Variants in INTS4 observed in about 807,000 individuals in gnomAD.
INTS4 encodes the protein integrator complex subunit 4.
Under a neutral mutation model 119.5 loss-of-function variants are expected in INTS4, and 70 were observed. The observed-to-expected ratio is 0.59, with a 90% CI of 0.48 to 0.71. The LOEUF is 0.71. Among genes scored for constraint, INTS4 ranks in the 30% least tolerant of loss-of-function variants. The pLI is 0.00. For missense variants in INTS4, 867 were observed against 1,173.2 expected, an observed-to-expected ratio of 0.74 and a Z score of 3.81; for synonymous variants, 316 against 419.6, an observed-to-expected ratio of 0.75 and a Z score of 3.02.
chr11:77,897,988 T>A (rs1308913262), intron 18 of INTS4, among the ~76,000 whole-genome samples: 2 of 152,064 alleles, frequency 1.3e-5, no homozygotes, highest in Non-Finnish European at 2.9e-5. Context: ...TTTTGATTTT[T>A]ATTTTTTAGA....
chr11:77,877,292 G>C (rs1370518511), downstream of INTS4, among the ~76,000 whole-genome samples: 1 of 152,166 alleles, frequency 6.6e-6, no homozygotes, highest in Non-Finnish European at 1.5e-5. Context: ...AACACTGCCA[G>C]GTACACCCAA....
intron 15 of INTS4, among the ~76,000 whole-genome samples, chr11:77,909,302 A>G (rs1221020939): frequency 3.9e-5 from 6 of 152,368 alleles, no homozygotes; most frequent in African/African-American, 1.4e-4. Context: ...TATCTTAGTC[A>G]TGCAACTGCT....
At chr11:77,921,040 A>T (rs1953348545) in intron 14 of INTS4, among the ~76,000 whole-genome samples, 1 of 152,108 alleles carries the variant, frequency 6.6e-6, no homozygotes, top group African/African-American at 2.4e-5. Context: ...AAACAATGGC[A>T]AAGAGCCCAA....
chr11:77,981,485 T>A lies in INTS4; in HGVS notation c.338A>T (p.Asp113Val), dbSNP rs1384738532. 2 of 1,545,490 alleles carry A rather than the reference T, an allele frequency of 1.3e-6. No individual in the cohort carries two copies. The highest frequency in any genetic ancestry group is 2.5e-5 in the South Asian group (2 of 79,894). The change falls in exon 3 of 23, where the codon GAT becomes GTT. Residue 113 changes from aspartate to valine, a missense_variant. This residue lies in a region of INTS4 where 224 missense variants were observed against 231.8 expected (regional missense o/e 0.97). Coordinates refer to ENST00000534064, the MANE Select transcript of INTS4 (RefSeq NM_033547.4). The part of the protein sequence containing the change: ...AGFSPDCIMD[D>V]AINILQNEKS... ...TTCATTCTGCAGGATGTTGATGGCATCATCCATAATGCAGTCTGGTGAAAA... is the reference window on the plus strand; with the variant it reads ...TTCATTCTGCAGGATGTTGATGGCAACATCCATAATGCAGTCTGGTGAAAA...
chr11:77,950,355 T>C (rs1954159991), intron 8 of INTS4, among the ~76,000 whole-genome samples: 1 of 151,828 alleles, frequency 6.6e-6, no homozygotes, highest in African/African-American at 2.4e-5. Flanking sequence ...TCCCAGAACT[T>C]AAAGTATTAA....
intron 8 of INTS4, among the ~76,000 whole-genome samples, chr11:77,944,079 G>A (rs1284359731): frequency 6.6e-6 from 1 of 152,176 alleles, no homozygotes; most frequent in East Asian, 1.9e-4. Flanking sequence ...GGGACCTCAA[G>A]TTTCTTTGCC....
intron 8 of INTS4, among the ~76,000 whole-genome samples, chr11:77,950,260 A>C (rs959709259): frequency 6.6e-6 from 1 of 152,158 alleles, no homozygotes; most frequent in African/African-American, 2.4e-5. Context: ...AGAAATACCT[A>C]ATGTAGATGA....
chr11:77,932,229 A>G (rs1377532321), intron 10 of INTS4, among the ~76,000 whole-genome samples: 1 of 146,672 alleles, frequency 6.8e-6, no homozygotes, highest in Non-Finnish European at 1.5e-5. Context: ...CAAGGAACTT[A>G]AACAAATTTC....
At chr11:77,959,296 T>G (rs1399751750) in intron 6 of INTS4, among the ~76,000 whole-genome samples, 1 of 152,202 alleles carries the variant, frequency 6.6e-6, no homozygotes, top group Non-Finnish European at 1.5e-5. Context: ...ATACCTACCC[T>G]TAGCTCTGAT....
chr11:77,974,250 T>A (rs1591130941), intron 4 of INTS4, among the ~76,000 whole-genome samples: 4 of 144,314 alleles, frequency 2.8e-5, no homozygotes, highest in African/African-American at 7.6e-5. Flanking sequence ...TTTTTTTTTT[T>A]TTTTTTTTTT....
At chr11:77,895,516 A>T (rs1252466326) in intron 18 of INTS4, among the ~76,000 whole-genome samples, 3 of 129,344 alleles carry the variant, frequency 2.3e-5, no homozygotes, top group African/African-American at 6.1e-5. Flanking sequence ...ATTCATTCTA[A>T]TTCTTTTCCT....
intron 8 of INTS4, among the ~76,000 whole-genome samples, chr11:77,955,522 G>C (rs1341954702): frequency 6.8e-6 from 1 of 147,884 alleles, no homozygotes; most frequent in East Asian, 2.0e-4. Context: ...TGAGATGAGA[G>C]TCTCCCCCTT....
At chr11:77,937,990 G>A (rs1565258182) in intron 10 of INTS4, among the ~76,000 whole-genome samples, 2 of 152,052 alleles carry the variant, frequency 1.3e-5, no homozygotes, top group African/African-American at 2.4e-5. Context: ...TGAGATTACA[G>A]GTGTATGCCA....
intron 14 of INTS4, among the ~76,000 whole-genome samples, chr11:77,920,879 AATAAAT>A (rs1412755538): frequency 6.7e-6 from 1 of 150,374 alleles, no homozygotes; most frequent in African/African-American, 2.4e-5. Context: ...AAAATAAATA[AATAAAT>A]ATATATATAT....
chr11:77,928,316 A>G lies in INTS4; in HGVS notation c.1371+26T>C, dbSNP rs760328205. On this transcript the variant is annotated intron_variant, in intron 11 of 22. Transcript: ENST00000534064. ...ACAGGGGGGGGTGAGGGATGAAGAA[A>G]TGAGTAACAAATTAGAAACACTCAC... The G allele has an allele frequency of 2.5e-6, 4 of 1,611,828 alleles. No homozygotes were observed. The African/African-American group carries it at 5.3e-5, about 22-fold the overall frequency.
intron 12 of INTS4, 64 bp downstream of exon 12, chr11:77,924,686 T>C: frequency 6.8e-7 from 1 of 1,478,698 alleles, no homozygotes; most frequent in Non-Finnish European, 9.4e-7. Context: ...ACGGAACAAA[T>C]GTCAGCATTA....
intron 1 of INTS4, among the ~76,000 whole-genome samples, chr11:77,993,646 T>TATGTATTGACATATTTTGTATTA (rs34263148): frequency 6.6e-6 from 1 of 151,914 alleles, no homozygotes; most frequent in East Asian, 1.9e-4. Context: ...TATTTTGTAT[T>TATGTATTGACATATTTTGTATTA]TGTATTAACA....
intron 18 of INTS4, chr11:77,900,551 C>CTTTT: frequency 3.6e-6 from 2 of 560,618 alleles, no homozygotes; most frequent in African/African-American, 2.0e-5. Context: ...CTCTATGGCA[C>CTTTT]TTTTTTTTTT....
At chr11:77,993,942 G>A (rs911511544) in intron 1 of INTS4, among the ~76,000 whole-genome samples, 2 of 151,802 alleles carry the variant, frequency 1.3e-5, no homozygotes, top group Non-Finnish European at 2.9e-5. Context: ...CAACATCTAC[G>A]TGGAGACACA....
Sources: gnomAD v4.1 joint callset for allele counts (sites outside exome capture counted in the v4.1 genomes callset) on GRCh38, gnomAD v4.1.1 for gene constraint, gnomAD v4.1.1 regional missense constraint, MANE v1.5 for transcripts, NCBI Gene and HGNC (gene_info 2026-07-23, HGNC 2026-07-21) for gene names.